Variants in GAS5 observed in about 807,000 individuals in gnomAD.
GAS5 encodes the protein growth arrest specific 5.
chr1:173,866,444 G>A (rs565181661), intron 3 of GAS5: 22 of 614,122 alleles, frequency 3.6e-5, no homozygotes, highest in Non-Finnish European at 6.5e-5. Flanking sequence ...AGAGGGGAGA[G>A]AAGCACTAAC....
At chr1:173,866,370 T>C (rs753505039) in intron 3 of GAS5, 4 of 532,834 alleles carry the variant, frequency 7.5e-6, no homozygotes, top group Non-Finnish European at 1.1e-5. Context: ...TCATAGTATC[T>C]GTTTTCACAT....
chr1:173,866,928 C>T (rs768144068), intron 1 of GAS5: 8 of 765,364 alleles, frequency 1.0e-5, no homozygotes, highest in Non-Finnish European at 1.9e-5. Context: ...ACTCTTAAAG[C>T]ATCACAGGCT....
intron 4 of GAS5, chr1:173,865,903 T>C: frequency 1.9e-6 from 1 of 519,040 alleles, no homozygotes; most frequent in Non-Finnish European, 3.8e-6. Flanking sequence ...ACCTAAGAAA[T>C]AAGAGTGGTC....
In GAS5 at chr1:173,864,521, AAAAT is replaced by A. The variant is rs1420418868; in HGVS notation, n.277-221_277-218del. The A allele has an allele frequency of 7.7e-5, 34 of 439,110 alleles. 1 individual carries two copies. The highest frequency in any genetic ancestry group is 4.7e-4 in the African/African-American group (23 of 49,086). 27.2% of individuals were successfully genotyped at this position (439,110 alleles called of 1,614,324 possible). On this transcript the variant is annotated intron_variant and non_coding_transcript_variant, in intron 6 of 7. Transcript: ENST00000651080. ...AACAGGTCTGCCTGTTTGAAGATGA[AAAAT>A]AATACCCATTTAAAATTTGCCCTAC...
At chr1:173,864,235 TC>T (rs2102673880) in intron 7 of GAS5, 1 of 515,806 alleles carries the variant, frequency 1.9e-6, no homozygotes. Context: ...ATTATAATAG[TC>T]CCAACATTTC....
upstream of GAS5, chr1:173,868,020 G>C (rs796280866): frequency 1.9e-5 from 4 of 205,556 alleles, no homozygotes; most frequent in Non-Finnish European, 3.1e-5. Flanking sequence ...CTGTATATAA[G>C]AGTTCTTTTG....
intron 6 of GAS5, chr1:173,865,277 C>A (rs1654388392): frequency 2.4e-6 from 1 of 418,438 alleles, no homozygotes; most frequent in Non-Finnish European, 4.7e-6. Context: ...AGCCGACTCT[C>A]CATACCTGTA....
At chr1:173,865,125 G>C (rs1364584870) in intron 6 of GAS5, 2 of 340,346 alleles carry the variant, frequency 5.9e-6, no homozygotes, top group African/African-American at 4.3e-5. Flanking sequence ...CTTGAACCTG[G>C]GAGGCAGAGG....
At chr1:173,865,570 C>T in intron 5 of GAS5, 1 of 518,290 alleles carries the variant, frequency 1.9e-6, no homozygotes, top group Non-Finnish European at 3.9e-6. Context: ...TGAGGACTTC[C>T]ATTAAAATGC....
At chr1:173,866,650 ATGG>A (rs774888502) in intron 2 of GAS5, 2 of 764,372 alleles carry the variant, frequency 2.6e-6, no homozygotes, top group South Asian at 1.4e-5. Flanking sequence ...AGTTAAGATA[ATGG>A]TGGTTAAGAT....
chr1:173,865,246 T>C (rs1418552736), intron 6 of GAS5: 6 of 360,682 alleles, frequency 1.7e-5, no homozygotes, highest in East Asian at 7.5e-5. Context: ...TCTTTAAAAC[T>C]TGCTCCACAC....
chr1:173,866,993 G>A, exon 1 of GAS5: 1 of 765,278 alleles, frequency 1.3e-6, no homozygotes, highest in Non-Finnish European at 2.4e-6. Flanking sequence ...ATTCTTACCT[G>A]TCCATAAGGT....
chr1:173,867,044 C>G (rs950585563), exon 1 of GAS5: 3 of 731,180 alleles, frequency 4.1e-6, no homozygotes, highest in African/African-American at 3.5e-5. Context: ...AGCACCATAC[C>G]TAAAGAGATC....
intron 6 of GAS5, chr1:173,864,805 G>A: frequency 1.9e-6 from 1 of 518,684 alleles, no homozygotes; most frequent in Non-Finnish European, 3.8e-6. Context: ...CCTTTTCGGG[G>A]CATAAACTAG....
At position 173,866,404 on chromosome 1, in the gene GAS5, T is replaced by A. The variant is rs777794364; in HGVS notation, n.131+124A>T. The stretch of plus-strand genomic sequence containing the variant: ...ATTTTCTTCAGTATTAAACTTAGTA[T>A]CAATATGAGAGCAAAATTCTCATTT... On this transcript the variant is annotated intron_variant and non_coding_transcript_variant, in intron 3 of 7. Transcript: ENST00000651080. The A allele has an allele frequency of 1.8e-5, 10 of 557,536 alleles. No homozygotes were observed. In the East Asian group the frequency reaches 4.5e-4, roughly 25 times the overall value. 34.5% of individuals were successfully genotyped at this position (557,536 alleles called of 1,614,324 possible). A position where few individuals can be genotyped will look rare whatever the true frequency, so the allele number is the denominator to read the frequency against.
chr1:173,867,967 G>C (rs531039175), upstream of GAS5: 6 of 339,274 alleles, frequency 1.8e-5, no homozygotes, highest in East Asian at 1.5e-4. Flanking sequence ...TACCTCACAG[G>C]AGTCGACTCC....
At chr1:173,867,698 A>T (rs775707254), upstream of GAS5, 1 of 519,040 alleles carries the variant, frequency 1.9e-6, no homozygotes, top group Non-Finnish European at 3.8e-6. Context: ...GTTGGCATTC[A>T]TCATTACTCT....
upstream of GAS5, chr1:173,867,511 C>CAAAAAAG (rs920025813): frequency 1.1e-5 from 4 of 373,720 alleles, no homozygotes; most frequent in Non-Finnish European, 2.1e-5. Flanking sequence ...GGCTCGGTCT[C>CAAAAAAG]AAAAAAGAAA....
chr1:173,866,917 T>C (rs372060980), intron 1 of GAS5: 3 of 765,486 alleles, frequency 3.9e-6, no homozygotes, highest in Non-Finnish European at 7.2e-6. Flanking sequence ...TTCTGTCCAC[T>C]ACTCTTAAAG....
Sources: gnomAD v4.1 joint callset for allele counts on GRCh38, gnomAD v4.1.1 for gene constraint, MANE v1.5 for transcripts, NCBI Gene and HGNC (gene_info 2026-07-23, HGNC 2026-07-21) for gene names.